WNT8A: variants seen among roughly 807,000 people sequenced by gnomAD.
The protein encoded by WNT8A is protein Wnt-8a.
WNT8A carries 14 observed loss-of-function variants against 20.5 expected under a neutral mutation model. The ratio of observed to expected loss-of-function variants is 0.68; its 90% CI spans 0.45 to 1.07. The LOEUF (loss-of-function observed/expected upper bound fraction) is 1.07. Among genes scored for constraint, WNT8A ranks in the 50% least tolerant of loss-of-function variants. The pLI is 0.00. For missense variants in WNT8A, 397 were observed against 462.9 expected (o/e 0.86, Z 1.31); for synonymous variants, 167 against 169.2 (o/e 0.99, Z 0.10).
At position 138,090,881 on chromosome 5, in the gene WNT8A, T is replaced by C; in HGVS notation, c.918T>C (p.Arg306=). Residue 306 remains arginine (R), a synonymous_variant, in exon 5 of 5, where the codon CGT becomes CGC. Transcript: ENST00000506684. ...ACAACACATCCAGGTGGGAGCGACG[T>C]AGCTGTGGGCGCCTGTGCACTGAGT... ...NSHNTSRWER[R]SCGRLCTECG... 1 of 1,614,154 alleles carries C rather than the reference T, an allele frequency of 6.2e-7. No homozygotes were observed. Among genetic ancestry groups the C allele is most frequent in the Non-Finnish European group, 8.5e-7 (1 of 1,180,024 alleles).
chr5:138,083,276 C>G (rs1750555572), upstream of WNT8A, among the ~76,000 whole-genome samples: 7 of 66,238 alleles, frequency 1.1e-4, no homozygotes, highest in South Asian at 3.8e-3. Context: ...GCGAGAGACT[C>G]TGTCTCAAAA....
chr5:138,088,417 C>T (rs985833400), intron 3 of WNT8A, among the ~76,000 whole-genome samples: 11 of 146,282 alleles, frequency 7.5e-5, no homozygotes, highest in African/African-American at 2.0e-4. Context: ...AGTGCAGTGG[C>T]GCGATCTCAG....
rs773713078 is a variant in WNT8A at position 138,087,886 on chromosome 5, G to A, written c.376G>A (p.Asp126Asn). 1 of 1,614,066 alleles carries A rather than the reference G, an allele frequency of 6.2e-7. No individual in the cohort carries two copies. The highest frequency in any genetic ancestry group is 8.5e-7 in the Non-Finnish European group (1 of 1,179,960). ...YIITKNCSMG[D>N]FENCGCDGSN... is the part of the protein sequence containing the mutation. ...CATCACCAAGAACTGTAGCATGGGT[G>A]ACTTCGAAAACTGTGGCTGTGATGG... The change falls in exon 3 of 5, where the codon GAC (aspartate) becomes AAC (asparagine). Residue 126 changes from aspartate (D) to asparagine (N), a missense_variant. Asp to Asn is a conservative substitution (Grantham distance 23). Transcript: ENST00000506684.
At chr5:138,083,897 C>T (rs1169756307), upstream of WNT8A, 30 of 517,638 alleles carry the variant, frequency 5.8e-5, no homozygotes, top group East Asian at 8.2e-4. Context: ...AACTGAGTCC[C>T]TCCTCCCAGA....
At chr5:138,088,480 C>T (rs1750742737) in intron 3 of WNT8A, among the ~76,000 whole-genome samples, 1 of 151,986 alleles carries the variant, frequency 6.6e-6, no homozygotes, top group African/African-American at 2.4e-5. Flanking sequence ...CCTCAGCCTC[C>T]CGAGTAGCTG....
rs766312294 is a variant in WNT8A, at chr5:138,090,555, T to C, written c.592T>C (p.Cys198Arg). ...LAVRATMKRTCKCHGISGSCS... is the reference protein window; with the variant it reads ...LAVRATMKRTRKCHGISGSCS... ...AGTGAGAGCCACCATGAAAAGGACA[T>C]GCAAATGTCATGGCATCTCTGGGAG... The change falls in exon 5 of 5, where the codon TGC (cysteine) becomes CGC (arginine). Residue 198 changes from cysteine (C) to arginine (R), a missense_variant. By Grantham distance (180) the Cys-to-Arg change is radical. Coordinates refer to ENST00000506684, the MANE Select transcript of WNT8A (RefSeq NM_001300939.2). 1 of 1,614,122 alleles carries C rather than the reference T, an allele frequency of 6.2e-7. No individual in the cohort carries two copies. Among genetic ancestry groups the C allele is most frequent in the Non-Finnish European group, 8.5e-7 (1 of 1,179,994 alleles).
intron 2 of WNT8A, 74 bp downstream of exon 2, chr5:138,084,710 G>GC: frequency 6.7e-7 from 1 of 1,500,616 alleles, no homozygotes; most frequent in South Asian, 1.4e-5. Flanking sequence ...ATGTGTATAT[G>GC]TGTGACATGT....
At chr5:138,086,218 C>A (rs1170185595) in intron 2 of WNT8A, among the ~76,000 whole-genome samples, 1 of 151,996 alleles carries the variant, frequency 6.6e-6, no homozygotes, top group Non-Finnish European at 1.5e-5. Flanking sequence ...TTATTTCTTT[C>A]TTTCTTTATT....
upstream of WNT8A, among the ~76,000 whole-genome samples, chr5:138,082,611 G>A (rs906070297): frequency 6.6e-6 from 1 of 151,938 alleles, no homozygotes; most frequent in Non-Finnish European, 1.5e-5. Context: ...TGGGTATGGT[G>A]GCTCACGCCT....
upstream of WNT8A, among the ~76,000 whole-genome samples, chr5:138,083,321 A>C (rs1186499607): frequency 6.6e-6 from 1 of 152,160 alleles, no homozygotes; most frequent in Non-Finnish European, 1.5e-5. Context: ...AGTCTTCCCA[A>C]ATATAACCCT....
rs1750723961 is a variant in WNT8A, at chr5:138,087,912, G to A, written c.402G>A (p.Gly134=). 1 of 1,613,786 alleles carries A rather than the reference G, an allele frequency of 6.2e-7. No homozygotes were observed. Among genetic ancestry groups the A allele is most frequent in the African/African-American group, 1.3e-5 (1 of 74,918 alleles). Residue 134 remains glycine (G), a synonymous_variant, in exon 3 of 5, where the codon GGG becomes GGA. Transcript: ENST00000506684. ...MGDFENCGCD[G]SNNGKTGGHG... is the part of the protein sequence containing the mutation. ...ACTTCGAAAACTGTGGCTGTGATGG[G>A]TCAAACAATGGAAAAACAGGTAAGT...
chr5:138,085,412 T>C (rs557627578), intron 2 of WNT8A, among the ~76,000 whole-genome samples: 2 of 152,114 alleles, frequency 1.3e-5, no homozygotes, highest in Admixed American at 1.3e-4. Flanking sequence ...TCACATTGAG[T>C]TGTGCCTCAG....
Position 138,091,157 on chromosome 5 carries a change from C to A in WNT8A, c.*84C>A. The A allele has an allele frequency of 5.2e-6, 8 of 1,542,866 alleles. No individual in the cohort carries two copies. In the Middle Eastern group the frequency reaches 1.2e-3, roughly 232 times the overall value. ...CTCTTAGAGAGAACAGATTGGAAAG[C>A]AATCGGAAAATTGCAGTTTTGGTCT... On this transcript the variant is annotated 3_prime_UTR_variant, in exon 5 of 5. Transcript: ENST00000506684.
intron 3 of WNT8A, 129 bp downstream of exon 3, chr5:138,088,060 A>AATTGT (rs1750730019): frequency 1.5e-6 from 2 of 1,367,572 alleles, no homozygotes; most frequent in East Asian, 2.4e-5. Context: ...CAACTCCTTC[A>AATTGT]ATTGTAGGAT....
the WNT8A span, among the ~76,000 whole-genome samples, chr5:138,077,634 G>A: frequency 6.6e-6 from 1 of 152,126 alleles, no homozygotes; most frequent in Non-Finnish European, 1.5e-5. Flanking sequence ...ATCCAGAGAT[G>A]GATAGGACAG....
At position 138,084,198 on chromosome 5, in the gene WNT8A, C is replaced by A; in HGVS notation, c.71C>A (p.Pro24His). The A allele has an allele frequency of 1.2e-6, 2 of 1,614,178 alleles. No individual in the cohort carries two copies. The highest frequency in any genetic ancestry group is 2.7e-5 in the African/African-American group (2 of 75,048). ...FPTLTPCQGG[P>H]HCLIPIHLCL... is the part of the protein sequence containing the mutation. The stretch of plus-strand genomic sequence containing the variant: ...ACCCTCACTCCTTGCCAAGGAGGCC[C>A]CCATTGTCTCATCCCCATTCACCTC... The change falls in exon 1 of 5, where the codon CCC (proline) becomes CAC (histidine). Residue 24 changes from proline (P) to histidine (H), a missense_variant. Pro to His is a moderately conservative substitution (Grantham distance 77). Transcript: ENST00000506684.
chr5:138,084,297 CA>C lies in WNT8A; in HGVS notation c.156+15del, dbSNP rs1195953979. The C allele has an allele frequency of 1.7e-5, 27 of 1,613,600 alleles. No individual in the cohort carries two copies. The highest frequency in any genetic ancestry group is 2.3e-5 in the Non-Finnish European group (27 of 1,179,766). Reference sequence around the variant, plus strand: ...ACAGGTCCCAAGGTAGGATGATCTCCAGCTTCTGTTTTTACCCACTGAGGGC... The same window carrying C: ...ACAGGTCCCAAGGTAGGATGATCTCCGCTTCTGTTTTTACCCACTGAGGGC... On this transcript the variant is annotated intron_variant, in intron 1 of 4. Coordinates refer to ENST00000506684, the MANE Select transcript of WNT8A (RefSeq NM_001300939.2).
At chr5:138,089,474 T>C (rs1379594839) in intron 4 of WNT8A, among the ~76,000 whole-genome samples, 3 of 152,138 alleles carry the variant, frequency 2.0e-5, no homozygotes, top group African/African-American at 2.4e-5. Context: ...CTGTGGGGAA[T>C]TGGGATTGAT....
At position 138,090,016 on chromosome 5, in the gene WNT8A, A is replaced by G. The variant is rs368234108; in HGVS notation, c.565-512A>G. 2.1e-4 allele frequency among the ~76,000 whole-genome samples: 32 copies of G among 152,296 alleles called. 1 individual carries two copies. The Middle Eastern group carries it at 0.014, about 65-fold the overall frequency. ...ATGGGTAATTCATTGCCTTGGGGGT[A>G]TAAGTGTTCAGACTCAAGGAGCTCC... On this transcript the variant is annotated intron_variant, in intron 4 of 4. Transcript: ENST00000506684.
Sources: gnomAD v4.1 joint callset for allele counts (sites outside exome capture counted in the v4.1 genomes callset) on GRCh38, gnomAD v4.1.1 for gene constraint, MANE v1.5 for transcripts, NCBI Gene and HGNC (gene_info 2026-07-23, HGNC 2026-07-21) for gene names.